LYSMD2: variants seen among roughly 807,000 people sequenced by gnomAD.
The protein encoded by LYSMD2 is LysM domain containing 2, also known as lysM and putative peptidoglycan-binding domain-containing protein 2.
LYSMD2 carries 6 observed loss-of-function variants against 17.7 expected under a neutral mutation model. The ratio of observed to expected loss-of-function variants is 0.34; its 90% CI spans 0.19 to 0.67. The LOEUF (loss-of-function observed/expected upper bound fraction) is 0.67, where lower values mean the gene tolerates loss of function less well. Ranked by LOEUF, LYSMD2 falls within the 30% of genes least tolerant of loss-of-function variation. LYSMD2 has a pLI of 0.69. For missense variants in LYSMD2, 237 were observed against 286.7 expected, an observed-to-expected ratio of 0.83 and a Z score of 1.25; for synonymous variants, 102 against 129.8, an observed-to-expected ratio of 0.79 and a Z score of 1.45.
intron 2 of LYSMD2, 65 bp downstream of exon 2, chr15:51,724,725 G>A: frequency 1.0e-6 from 1 of 970,990 alleles, no homozygotes; most frequent in Non-Finnish European, 1.4e-6. Flanking sequence ...GAAAGATTTG[G>A]CCCAGCAAGG....
At chr15:51,740,376 C>G (rs1429636001), upstream of LYSMD2, among the ~76,000 whole-genome samples, 1 of 152,190 alleles carries the variant, frequency 6.6e-6, no homozygotes, top group Non-Finnish European at 1.5e-5. Context: ...TAATATGTAT[C>G]TACCTACAAC....
chr15:51,747,363 T>C lies in LYSMD2; in HGVS notation c.-1+3908A>G, dbSNP rs190656855. Among the ~76,000 whole-genome samples, 260 of 150,016 alleles carry C rather than the reference T, an allele frequency of 1.7e-3. 11 individuals carry two copies. The highest frequency in any genetic ancestry group is 0.017 in the East Asian group (87 of 5,034). ...AAAATTAGCCAGGCGTGGTGGCGCA[T>C]GCCTGTAATCCCAGCTACCTGGGAG... is the stretch of plus-strand genomic sequence containing the variant. On this transcript the variant is annotated intron_variant, in intron 1 of 2. Coordinates refer to the LYSMD2 transcript ENST00000454181.
chr15:51,736,321 A>C (rs543168596), intron 1 of LYSMD2, among the ~76,000 whole-genome samples: 1 of 152,202 alleles, frequency 6.6e-6, no homozygotes, highest in East Asian at 1.9e-4. Context: ...TAGAACTCCC[A>C]AGAGGGCAGA....
Position 51,737,265 on chromosome 15 carries a change from C to CGG in LYSMD2, c.273+84_273+85insCC. On this transcript the variant is annotated intron_variant, in intron 1 of 2. Coordinates refer to ENST00000267838, the MANE Select transcript of LYSMD2 (RefSeq NM_153374.3). The surrounding 1 kb of genome is among the most constrained non-coding windows in gnomAD (Gnocchi z 4.2). ...TCCCCCAAACCCCCACCCGCAGTCC[C>CGG]ACCCCCACCCCCACCGCACCCCGAG... is the stretch of plus-strand genomic sequence containing the variant. 2 of 628,768 alleles carry CGG rather than the reference C, an allele frequency of 3.2e-6. No individual in the cohort carries two copies. The highest frequency in any genetic ancestry group is 4.4e-6 in the Non-Finnish European group (2 of 450,592). 38.9% of individuals were successfully genotyped at this position (628,768 alleles called of 1,614,324 possible).
upstream of LYSMD2, chr15:51,737,660 A>AG (rs1255616271): frequency 5.8e-6 from 7 of 1,199,622 alleles, no homozygotes; most frequent in African/African-American, 7.9e-5. The surrounding 1 kb of genome is among the most constrained non-coding windows in gnomAD (Gnocchi z 4.2). Context: ...GAGCTTGCCA[A>AG]GGGGGCGGCG....
At chr15:51,748,624 G>C (rs1334299545) in intron 1 of LYSMD2, among the ~76,000 whole-genome samples, 2 of 152,198 alleles carry the variant, frequency 1.3e-5, no homozygotes, top group Non-Finnish European at 2.9e-5. Flanking sequence ...GGGCAGCACT[G>C]GGGCTGGTTG....
intron 1 of LYSMD2, among the ~76,000 whole-genome samples, chr15:51,735,319 A>C (rs2055601826): frequency 6.6e-6 from 1 of 152,164 alleles, no homozygotes; most frequent in Admixed American, 6.5e-5. Context: ...AAGTAATGAG[A>C]AATACATGTA....
chr15:51,725,773 G>C (rs1276101476), intron 1 of LYSMD2, among the ~76,000 whole-genome samples: 1 of 152,126 alleles, frequency 6.6e-6, no homozygotes, highest in Non-Finnish European at 1.5e-5. Context: ...AAGAGAGAGA[G>C]AAAGTAGTGA....
intron 1 of LYSMD2, among the ~76,000 whole-genome samples, chr15:51,743,743 C>T (rs1283330312): frequency 6.6e-6 from 1 of 152,234 alleles, no homozygotes; most frequent in Admixed American, 6.5e-5. Context: ...GCCTTCCTAT[C>T]TGTGAACATG....
At chr15:51,739,736 C>T (rs890025209), upstream of LYSMD2, among the ~76,000 whole-genome samples, 19 of 152,118 alleles carry the variant, frequency 1.2e-4, no homozygotes, top group Non-Finnish European at 2.6e-4. Context: ...CAAGACCAGC[C>T]TGGGCAACAT....
chr15:51,723,798 A>T (rs117344031), intron 2 of LYSMD2, 149 bp from the exon 3 acceptor site: 11,001 of 510,512 alleles, frequency 0.022, 185 homozygotes, highest in Non-Finnish European at 0.029. Context: ...ATGAAATGCC[A>T]ATACTTAAGA....
intron 1 of LYSMD2, among the ~76,000 whole-genome samples, chr15:51,731,294 G>T (rs1385379486): frequency 6.6e-6 from 1 of 152,170 alleles, no homozygotes; most frequent in East Asian, 1.9e-4. Context: ...AATGACTAAA[G>T]GCTACTTTGC....
chr15:51,725,268 C>G (rs549713036), intron 1 of LYSMD2, 147 bp from the exon 2 acceptor site: 16 of 548,472 alleles, frequency 2.9e-5, no homozygotes, highest in Non-Finnish European at 4.8e-5. Flanking sequence ...GGTTTGGTAA[C>G]CTCCCCAGAT....
At chr15:51,736,353 T>TA (rs759901866) in intron 1 of LYSMD2, among the ~76,000 whole-genome samples, 17 of 152,202 alleles carry the variant, frequency 1.1e-4, no homozygotes, top group South Asian at 8.3e-4. Flanking sequence ...CATGGCATGA[T>TA]AGAGTCAATA....
chr15:51,725,207 C>T (rs140614396), intron 1 of LYSMD2, 86 bp from the exon 2 acceptor site: 121 of 823,818 alleles, frequency 1.5e-4, no homozygotes, highest in Admixed American at 5.4e-4. Flanking sequence ...TACCAATATT[C>T]ATAAGCAAAA....
Position 51,723,190 on chromosome 15 carries a change from G to A in LYSMD2, c.*417C>T, listed in dbSNP as rs539328037. 1 of 164,782 alleles carries A rather than the reference G, an allele frequency of 6.1e-6. No homozygotes were observed. The highest frequency in any genetic ancestry group is 2.4e-5 in the African/African-American group (1 of 41,450). The allele number at this position is 164,782 out of a possible 1,614,324, so 10.2% of individuals were successfully genotyped here. A position where few individuals can be genotyped will look rare whatever the true frequency, so the allele number is the denominator to read the frequency against. On this transcript the variant is annotated 3_prime_UTR_variant, in exon 3 of 3. Coordinates refer to ENST00000267838, the MANE Select transcript of LYSMD2 (RefSeq NM_153374.3). Reference sequence around the variant, plus strand: ...TAAGACATATCGAAATATATATATAGCACTTAAGTTATAAACACACAGCAA... The same window carrying A: ...TAAGACATATCGAAATATATATATAACACTTAAGTTATAAACACACAGCAA...
intron 1 of LYSMD2, among the ~76,000 whole-genome samples, chr15:51,728,704 T>C (rs191396812): frequency 3.3e-5 from 5 of 150,830 alleles, no homozygotes; most frequent in Non-Finnish European, 5.9e-5. Context: ...ACCCCATCTT[T>C]ACTAAAAATA....
chr15:51,744,347 T>C (rs2055656936), intron 1 of LYSMD2, among the ~76,000 whole-genome samples: 1 of 152,152 alleles, frequency 6.6e-6, no homozygotes, highest in African/African-American at 2.4e-5. Context: ...CTTTTTAGTA[T>C]GAATGGATGT....
At chr15:51,734,794 CTTCT>C (rs1249904522) in intron 1 of LYSMD2, among the ~76,000 whole-genome samples, 1 of 152,196 alleles carries the variant, frequency 6.6e-6, no homozygotes, top group Non-Finnish European at 1.5e-5. Flanking sequence ...ATTTGCTCAA[CTTCT>C]TTCTGTTCAG....
Sources: gnomAD v4.1 joint callset for allele counts (sites outside exome capture counted in the v4.1 genomes callset) on GRCh38, gnomAD v4.1.1 for gene constraint, Gnocchi (gnomAD v3.1) non-coding constraint, MANE v1.5 for transcripts, NCBI Gene and HGNC (gene_info 2026-07-23, HGNC 2026-07-21) for gene names.